Variants in ANKUB1 observed in about 807,000 individuals in gnomAD.
The protein encoded by ANKUB1 is protein ANKUB1.
Under a neutral mutation model 49.3 loss-of-function variants are expected in ANKUB1, and 42 were observed. The observed-to-expected ratio is 0.85, with a 90% CI of 0.67 to 1.10. ANKUB1 has a LOEUF of 1.10. Ranked by LOEUF, ANKUB1 falls within the 50% of genes least tolerant of loss-of-function variation. The pLI is 0.00. For missense variants in ANKUB1, 613 were observed against 642.0 expected (o/e 0.95, Z 0.49); for synonymous variants, 222 against 231.0 (o/e 0.96, Z 0.35).
At position 149,790,646 on chromosome 3, in the gene ANKUB1, A is replaced by T. The variant is rs139961847; in HGVS notation, c.234+135T>A. On this transcript the variant is annotated intron_variant, in intron 2 of 5. Transcript: ENST00000446160. Reference sequence around the variant, plus strand: ...GCACAAAGCATGCGTAAGACCTGTTATACAAATGGAAGTGAGGAGAAGGCA... The same window carrying T: ...GCACAAAGCATGCGTAAGACCTGTTTTACAAATGGAAGTGAGGAGAAGGCA... 9.3e-6 allele frequency: 8 copies of T among 855,984 alleles called. No individual in the cohort carries two copies. In the Admixed American group the frequency reaches 1.8e-4, roughly 19 times the overall value. 53.0% of individuals were successfully genotyped at this position (855,984 alleles called of 1,614,324 possible). A position where few individuals can be genotyped will look rare whatever the true frequency, so the allele number is the denominator to read the frequency against.
At chr3:149,772,613 A>G (rs1436863189) in intron 3 of ANKUB1, among the ~76,000 whole-genome samples, 1 of 152,126 alleles carries the variant, frequency 6.6e-6, no homozygotes, top group South Asian at 2.1e-4. Context: ...TTTACTTCGT[A>G]GCTCTTAACC....
At chr3:149,772,164 C>T (rs1343879255) in intron 3 of ANKUB1, among the ~76,000 whole-genome samples, 1 of 152,012 alleles carries the variant, frequency 6.6e-6, no homozygotes, top group East Asian at 1.9e-4. Flanking sequence ...AGCTGGATTA[C>T]AGGCCACCAT....
At chr3:149,775,846 A>G (rs1476137173) in intron 3 of ANKUB1, among the ~76,000 whole-genome samples, 1 of 152,122 alleles carries the variant, frequency 6.6e-6, no homozygotes, top group Non-Finnish European at 1.5e-5. Flanking sequence ...AGCTAGAAGC[A>G]GGTCTAAAAT....
At chr3:149,769,221 T>C (rs1717216174) in intron 4 of ANKUB1, among the ~76,000 whole-genome samples, 1 of 152,210 alleles carries the variant, frequency 6.6e-6, no homozygotes, top group Non-Finnish European at 1.5e-5. Context: ...CTATTAAACC[T>C]ACAGATTAGT....
chr3:149,762,966 C>T (rs1306169049), intron 5 of ANKUB1, among the ~76,000 whole-genome samples: 1 of 152,220 alleles, frequency 6.6e-6, no homozygotes, highest in Non-Finnish European at 1.5e-5. Context: ...CTTTACCTCA[C>T]CTCTGCCCAT....
At chr3:149,780,491 G>A (rs1011033493) in intron 2 of ANKUB1, 36 bp from the exon 3 acceptor site, 6 of 1,507,382 alleles carry the variant, frequency 4.0e-6, no homozygotes, top group Non-Finnish European at 5.4e-6. Flanking sequence ...TTATTGTCTG[G>A]AGGTTCAGAT....
rs190575408 is a variant in ANKUB1 at position 149,761,193 on chromosome 3, T to A, written c.*291A>T. 2.7e-3 allele frequency: 578 copies of A among 212,846 alleles called. 3 individuals are homozygous for A. The highest frequency in any genetic ancestry group is 0.012 in the African/African-American group (542 of 43,714). 13.2% of individuals were successfully genotyped at this position (212,846 alleles called of 1,614,324 possible). ...AAAACAAACAAAGGAACTGTAAAAA[T>A]TCCCACTTCCTTGTTTTCCATTGTC... On this transcript the variant is annotated 3_prime_UTR_variant, in exon 6 of 6. Coordinates refer to ENST00000446160, the MANE Select transcript of ANKUB1 (RefSeq NM_001144960.3).
chr3:149,789,584 T>C (rs959626445), intron 2 of ANKUB1, among the ~76,000 whole-genome samples: 14 of 152,128 alleles, frequency 9.2e-5, no homozygotes, highest in African/African-American at 3.1e-4. Context: ...TGATCATTAT[T>C]CTGTGACTTG....
chr3:149,769,818 T>C (rs528627834), intron 4 of ANKUB1, among the ~76,000 whole-genome samples: 7 of 152,242 alleles, frequency 4.6e-5, no homozygotes, highest in Non-Finnish European at 7.3e-5. Context: ...GTGGACTGTC[T>C]GTATTTATTC....
intron 5 of ANKUB1, among the ~76,000 whole-genome samples, chr3:149,765,741 T>C (rs977680449): frequency 6.6e-6 from 1 of 152,238 alleles, no homozygotes; most frequent in Admixed American, 6.5e-5. Context: ...AGAGGGACTA[T>C]GTAGTTTTTT....
rs1207713230 is a variant in ANKUB1, at chr3:149,770,587, T to C, written c.539A>G (p.Tyr180Cys). ...GAGTACTGGTCCTTCTTTTGATAAG[T>C]AGCGTTGGACTTTAAGTTTTTGTCC... ...LLGQKLKVQR[Y>C]LSKEGPVLKY... Residue 180 changes from tyrosine to cysteine, a missense_variant, in exon 4 of 6, where the codon TAC becomes TGC. Transcript: ENST00000446160. 2 of 1,549,670 alleles carry C rather than the reference T, an allele frequency of 1.3e-6. No homozygotes were observed. The highest frequency in any genetic ancestry group is 1.7e-6 in the Non-Finnish European group (2 of 1,146,078).
At chr3:149,775,806 G>A (rs1337554963) in intron 3 of ANKUB1, among the ~76,000 whole-genome samples, 1 of 152,078 alleles carries the variant, frequency 6.6e-6, no homozygotes, top group African/African-American at 2.4e-5. Flanking sequence ...ATCAGAAAGA[G>A]GAAAGCAAAA....
chr3:149,781,053 T>C (rs1356428739), intron 2 of ANKUB1, among the ~76,000 whole-genome samples: 1 of 150,682 alleles, frequency 6.6e-6, no homozygotes, highest in Non-Finnish European at 1.5e-5. Context: ...CTCAAACTCC[T>C]GGGCTCAAGC....
chr3:149,764,074 A>G (rs1159384115), intron 5 of ANKUB1: 2 of 455,164 alleles, frequency 4.4e-6, no homozygotes. Flanking sequence ...GTTCTTCCCC[A>G]TTTCCTGGCT....
intron 5 of ANKUB1, among the ~76,000 whole-genome samples, chr3:149,764,595 C>G (rs1199459565): frequency 7.9e-6 from 1 of 126,850 alleles, no homozygotes; most frequent in African/African-American, 3.1e-5. Context: ...TCCCTCCCTT[C>G]CTTCCTCCCT....
intron 3 of ANKUB1, chr3:149,778,619 T>C (rs1717712140): frequency 6.6e-6 from 1 of 152,192 alleles, no homozygotes; most frequent in Admixed American, 6.5e-5. Context: ...CCCCATCATG[T>C]TCTAGGCAGG....
At position 149,784,016 on chromosome 3, in the gene ANKUB1, T is replaced by G. The variant is rs140197278; in HGVS notation, c.235-3561A>C. On this transcript the variant is annotated intron_variant, in intron 2 of 5. Coordinates refer to ENST00000446160, the MANE Select transcript of ANKUB1 (RefSeq NM_001144960.3). Reference sequence around the variant, plus strand: ...TAAAACCACATATATTGGATTTTGGTGTTTATACATTAACAGTACCTCTCG... The same window carrying G: ...TAAAACCACATATATTGGATTTTGGGGTTTATACATTAACAGTACCTCTCG... 11 of 152,374 alleles carry G rather than the reference T, an allele frequency of 7.2e-5. No individual in the cohort carries two copies. In the East Asian group the frequency reaches 2.1e-3, roughly 29 times the overall value. The allele number at this position is 152,374 out of a possible 1,614,324, so 9.4% of individuals were successfully genotyped here.
chr3:149,776,603 G>C (rs974842103), intron 3 of ANKUB1, among the ~76,000 whole-genome samples: 4 of 152,152 alleles, frequency 2.6e-5, no homozygotes, highest in Non-Finnish European at 4.4e-5. Context: ...CCAGAAAATA[G>C]CTCCTTTCCT....
Position 149,792,021 on chromosome 3 carries a change from A to G in ANKUB1, c.90+256T>C, listed in dbSNP as rs867887295. Among the ~76,000 whole-genome samples, 6 of 151,854 alleles carry G rather than the reference A, an allele frequency of 4.0e-5. No individual in the cohort carries two copies. The South Asian group carries it at 1.2e-3, about 31-fold the overall frequency. ...TATCTGGCCTATGCACAACCCACAC[A>G]TTCCCTAAAAAGAAGTCAGACTTTT... On this transcript the variant is annotated intron_variant, in intron 1 of 5. Coordinates refer to ENST00000446160, the MANE Select transcript of ANKUB1 (RefSeq NM_001144960.3).
Sources: allele counts gnomAD v4.1 joint callset (sites outside exome capture counted in the v4.1 genomes callset), GRCh38; gene constraint gnomAD v4.1.1; transcripts MANE v1.5; gene names NCBI Gene and HGNC (gene_info 2026-07-23, HGNC 2026-07-21).